The following PTGFRN variants were observed in gnomAD, a reference collection of about 807,000 sequenced individuals.
PTGFRN encodes the protein prostaglandin F2 receptor negative regulator.
Under a neutral mutation model 83.2 loss-of-function variants are expected in PTGFRN, and 35 were observed. That is an observed-to-expected ratio of 0.42 (90% CI 0.32 to 0.56). PTGFRN has a LOEUF of 0.56. Ranked by LOEUF, PTGFRN falls within the 20% of genes least tolerant of loss-of-function variation. The probability of loss-of-function intolerance (pLI) is 0.11; values close to 1 mark genes in which losing one functional copy is unlikely to be tolerated. For synonymous variants in PTGFRN, 519 were observed against 498.6 expected, an observed-to-expected ratio of 1.04 and a Z score of -0.55; for missense variants, 1,051 against 1,179.5, an observed-to-expected ratio of 0.89 and a Z score of 1.60.
At chr1:116,976,761 G>A (rs1288229615) in intron 7 of PTGFRN, among the ~76,000 whole-genome samples, 1 of 152,186 alleles carries the variant, frequency 6.6e-6, no homozygotes, top group Non-Finnish European at 1.5e-5. Context: ...ACCAGCCACT[G>A]CAAAAACATG....
At chr1:116,921,253 C>T (rs905970410) in intron 1 of PTGFRN, among the ~76,000 whole-genome samples, 1 of 152,130 alleles carries the variant, frequency 6.6e-6, no homozygotes, top group African/African-American at 2.4e-5. Context: ...TGAGGCTTAT[C>T]CCTTTAGGAT....
chr1:116,956,699 CAGT>C (rs1650507769), intron 4 of PTGFRN, among the ~76,000 whole-genome samples: 1 of 152,080 alleles, frequency 6.6e-6, no homozygotes, highest in East Asian at 1.9e-4. Flanking sequence ...TTTCTTAACT[CAGT>C]AGGTGAGGGA....
At chr1:116,949,600 C>T (rs747874190) in intron 4 of PTGFRN, 28 bp downstream of exon 4, 14 of 1,591,508 alleles carry the variant, frequency 8.8e-6, no homozygotes, top group Non-Finnish European at 1.1e-5. Context: ...TGACTCTTAA[C>T]CTCTTCAGCT....
chr1:116,946,793 C>T (rs1170468275), intron 3 of PTGFRN, among the ~76,000 whole-genome samples: 6 of 152,162 alleles, frequency 3.9e-5, no homozygotes, highest in South Asian at 2.1e-4. Flanking sequence ...ATATAGAAAT[C>T]GTTATCAAAA....
chr1:116,929,427 G>A (rs12078461), intron 1 of PTGFRN, among the ~76,000 whole-genome samples: 15,084 of 152,170 alleles, frequency 0.099, 1,168 homozygotes, highest in African/African-American at 0.21. Flanking sequence ...AGGCTCTATC[G>A]TTTTCTCGTT....
At chr1:116,974,881 G>A (rs1445724757) in intron 7 of PTGFRN, among the ~76,000 whole-genome samples, 3 of 152,214 alleles carry the variant, frequency 2.0e-5, no homozygotes, top group Admixed American at 1.3e-4. Context: ...GTGGGTGCAG[G>A]ACAGTAGGTA....
At chr1:116,963,769 A>T (rs1570670179) in intron 5 of PTGFRN, among the ~76,000 whole-genome samples, 1 of 145,458 alleles carries the variant, frequency 6.9e-6, no homozygotes, top group Non-Finnish European at 1.5e-5. Flanking sequence ...CACCACATTC[A>T]GCTAATTTTT....
intron 1 of PTGFRN, among the ~76,000 whole-genome samples, chr1:116,915,653 T>G (rs1456910819): frequency 6.6e-6 from 1 of 152,230 alleles, no homozygotes; most frequent in African/African-American, 2.4e-5. Context: ...GATGAGCTGC[T>G]GAGCTGATTT....
At chr1:116,950,277 C>T (rs1276004353) in intron 4 of PTGFRN, among the ~76,000 whole-genome samples, 1 of 152,174 alleles carries the variant, frequency 6.6e-6, no homozygotes, top group Non-Finnish European at 1.5e-5. Context: ...TGTTTGCCCT[C>T]TGGGCAAAAT....
At chr1:116,951,334 G>A (rs1417913366) in intron 4 of PTGFRN, among the ~76,000 whole-genome samples, 1 of 152,206 alleles carries the variant, frequency 6.6e-6, no homozygotes, top group Non-Finnish European at 1.5e-5. Flanking sequence ...TGTGGAAAAG[G>A]CTCAGTTACT....
At chr1:116,938,157 G>A (rs1265313388) in intron 1 of PTGFRN, among the ~76,000 whole-genome samples, 1 of 152,162 alleles carries the variant, frequency 6.6e-6, no homozygotes, top group Non-Finnish European at 1.5e-5. Context: ...GCTGGGTAGT[G>A]ATATATTATT....
chr1:116,945,661 C>T (rs1650181700), intron 3 of PTGFRN, among the ~76,000 whole-genome samples: 1 of 151,468 alleles, frequency 6.6e-6, no homozygotes, highest in African/African-American at 2.4e-5. Context: ...CCGCTTCTTG[C>T]TTTCCTGTAT....
Position 116,949,207 on chromosome 1 carries a change from T to C in PTGFRN, c.848T>C (p.Val283Ala). 1 of 1,589,582 alleles carries C rather than the reference T, an allele frequency of 6.3e-7. No homozygotes were observed. The highest frequency in any genetic ancestry group is 8.6e-7 in the Non-Finnish European group (1 of 1,164,768). ...AATTTTCAAGTTCTGCGAGCAGCTG[T>C]GCCCAAGAATGTGTCTGTGGCTGAA... ...VIQPSVLRAA[V>A]PKNVSVAEGK... Residue 283 changes from valine to alanine, a missense_variant, in exon 4 of 9, where the codon GTG becomes GCG. Val to Ala is a moderately conservative substitution (Grantham distance 64, BLOSUM62 0). Transcript: ENST00000393203.
At chr1:116,936,423 T>C (rs1649922381) in intron 1 of PTGFRN, among the ~76,000 whole-genome samples, 1 of 152,222 alleles carries the variant, frequency 6.6e-6, no homozygotes, top group Admixed American at 6.5e-5. Context: ...CATCTGTTCA[T>C]ATCTGCTTTA....
chr1:116,956,418 A>G (rs1650493459), intron 4 of PTGFRN, among the ~76,000 whole-genome samples: 1 of 152,198 alleles, frequency 6.6e-6, no homozygotes, highest in African/African-American at 2.4e-5. Context: ...CCGTACTCTC[A>G]TTCCGCTGTG....
At chr1:116,967,439 CCATA>C in intron 6 of PTGFRN, 109 bp downstream of exon 6, 1 of 1,117,204 alleles carries the variant, frequency 9.0e-7, no homozygotes, top group Non-Finnish European at 1.3e-6. Context: ...AATTCATATG[CCATA>C]CAATGTACCT....
rs1241172149 is a variant in PTGFRN at position 116,974,421 on chromosome 1, A to T, written c.2167+98A>T. 1.3e-5 allele frequency: 12 copies of T among 939,112 alleles called. No individual in the cohort carries two copies. In the Middle Eastern group the frequency reaches 6.6e-4, roughly 52 times the overall value. The allele number at this position is 939,112 out of a possible 1,614,324, so 58.2% of individuals were successfully genotyped here. A position where few individuals can be genotyped will look rare whatever the true frequency, so the allele number is the denominator to read the frequency against. On this transcript the variant is annotated intron_variant, in intron 7 of 8. Transcript: ENST00000393203. ...TACACAGATGTGGGTTAGGGATAGG[A>T]TTATCTATTTATCCCCTAACTGCCT...
chr1:116,961,568 T>C lies in PTGFRN; in HGVS notation c.1539T>C (p.Tyr513=). ...QRTTEEDRGN[Y]YCVVSAWTKQ... ...CTACAGAGGAAGACAGAGGCAATTA[T>C]TACTGTGTTGTGTCTGCCTGGACCA... Residue 513 remains tyrosine, a synonymous_variant, in exon 5 of 9, where the codon TAT becomes TAC. Transcript: ENST00000393203. This position sits in a 1 kb window ranked among gnomAD's most constrained non-coding sequence, Gnocchi z 5.4. 6.2e-7 allele frequency: 1 copy of C among 1,614,196 alleles called. No homozygotes were observed. Among genetic ancestry groups the C allele is most frequent in the South Asian group, 1.1e-5 (1 of 91,074 alleles).
At position 116,945,450 on chromosome 1, in the gene PTGFRN, G is replaced by C. The variant is rs1650173675; in HGVS notation, c.832+358G>C. 2.0e-5 allele frequency among the ~76,000 whole-genome samples: 3 copies of C among 152,154 alleles called. 1 individual carries two copies. Among genetic ancestry groups the C allele is most frequent in the African/African-American group, 7.2e-5 (3 of 41,438 alleles). ...GACTTGGTGTTCAGTGGAGCTTTGG[G>C]GTGAAGGTGCCACACCCTGCCCCTA... On this transcript the variant is annotated intron_variant, in intron 3 of 8. Coordinates refer to ENST00000393203, the MANE Select transcript of PTGFRN (RefSeq NM_020440.4).
Sources: allele counts gnomAD v4.1 joint callset (sites outside exome capture counted in the v4.1 genomes callset), GRCh38; gene constraint gnomAD v4.1.1; non-coding constraint Gnocchi (gnomAD v3.1); transcripts MANE v1.5; gene names NCBI Gene and HGNC (gene_info 2026-07-23, HGNC 2026-07-21).